The following DNAI1 variants were observed in gnomAD, a reference collection of about 807,000 sequenced individuals.
DNAI1 encodes dynein axonemal intermediate chain 1.
A neutral mutation model predicts 92.0 loss-of-function variants in DNAI1; 67 were observed. The observed-to-expected ratio is 0.73, with a 90% CI of 0.60 to 0.89. The LOEUF is 0.89. DNAI1 is among the 40% of genes least tolerant of loss of function. The probability of loss-of-function intolerance (pLI) is 0.00; values close to 1 mark genes in which losing one functional copy is unlikely to be tolerated. For missense variants in DNAI1, 839 were observed against 866.6 expected (o/e 0.97, Z 0.40); for synonymous variants, 323 against 319.6 (o/e 1.01, Z -0.11).
rs553593774 is a variant in DNAI1, at chr9:34,508,626, A to G, written c.1311+1752A>G. 7.2e-5 allele frequency among the ~76,000 whole-genome samples: 11 copies of G among 152,250 alleles called. No homozygotes were observed. The South Asian group carries it at 2.3e-3, about 32-fold the overall frequency. On this transcript the variant is annotated intron_variant, in intron 13 of 19. Coordinates refer to ENST00000242317, the MANE Select transcript of DNAI1 (RefSeq NM_012144.4). ...GATAGCCCAGGGCCAAGCGCAGAGC[A>G]TCTCTGGTTGGCCTGACCACCTTCC...
chr9:34,498,863 C>T (rs1359948943), intron 10 of DNAI1, among the ~76,000 whole-genome samples: 1 of 152,182 alleles, frequency 6.6e-6, no homozygotes, highest in Non-Finnish European at 1.5e-5. Context: ...TGGAAAACGA[C>T]CTTGAGTGCT....
At chr9:34,482,140 C>T (rs7874097) in intron 1 of DNAI1, among the ~76,000 whole-genome samples, 2,430 of 151,522 alleles carry the variant, frequency 0.016, 53 homozygotes, top group African/African-American at 0.054. Flanking sequence ...TACAGAGTGT[C>T]GATTGGTGCA....
intron 1 of DNAI1, among the ~76,000 whole-genome samples, chr9:34,476,754 A>G (rs1014025362): frequency 2.0e-5 from 3 of 152,196 alleles, no homozygotes; most frequent in Admixed American, 6.5e-5. Flanking sequence ...GAACCTAAGG[A>G]AAGAGAGGAG....
At chr9:34,490,310 C>T (rs1187406856) in intron 6 of DNAI1, 59 bp from the exon 7 acceptor site, 103 of 1,613,878 alleles carry the variant, frequency 6.4e-5, no homozygotes, top group Non-Finnish European at 8.7e-5. Flanking sequence ...TGCCCCATCT[C>T]CCGGTTTTCT....
At chr9:34,496,646 G>T (rs750902098) in intron 9 of DNAI1, among the ~76,000 whole-genome samples, 7 of 152,152 alleles carry the variant, frequency 4.6e-5, no homozygotes, top group Non-Finnish European at 1.0e-4. Flanking sequence ...GCCTTCCTCA[G>T]CCTGTAACTG....
intron 18 of DNAI1, among the ~76,000 whole-genome samples, chr9:34,515,613 C>T (rs1203176363): frequency 1.3e-5 from 2 of 152,170 alleles, no homozygotes; most frequent in Non-Finnish European, 2.9e-5. Flanking sequence ...AATAGATAAA[C>T]AAAATATAGT....
intron 15 of DNAI1, among the ~76,000 whole-genome samples, chr9:34,512,717 C>G (rs1367280768): frequency 6.6e-6 from 1 of 152,226 alleles, no homozygotes; most frequent in Non-Finnish European, 1.5e-5. Context: ...CCTGTTTACC[C>G]AGATCCTGTC....
chr9:34,490,968 A>C (rs947825357), intron 7 of DNAI1, among the ~76,000 whole-genome samples: 1 of 152,244 alleles, frequency 6.6e-6, no homozygotes, highest in Admixed American at 6.5e-5. Context: ...AGGGTTCTAC[A>C]GAAATGAATC....
At chr9:34,500,991 A>AC (rs34725390) in intron 11 of DNAI1, 147 bp from the exon 12 acceptor site, 1 of 954,436 alleles carries the variant, frequency 1.0e-6, no homozygotes, top group Non-Finnish European at 1.7e-6. Flanking sequence ...TCACAAGACC[A>AC]CCCCCAGGAC....
intron 4 of DNAI1, 92 bp downstream of exon 4, chr9:34,485,609 A>G (rs1256214683): frequency 1.6e-6 from 2 of 1,223,992 alleles, no homozygotes; most frequent in Non-Finnish European, 2.4e-6. Context: ...CAGTAATTCT[A>G]GAGGAGAGCA....
intron 1 of DNAI1, among the ~76,000 whole-genome samples, chr9:34,470,723 G>T (rs1172138291): frequency 6.6e-6 from 1 of 152,160 alleles, no homozygotes; most frequent in Non-Finnish European, 1.5e-5. Context: ...TAACCAACTT[G>T]ACCTAATTAA....
intron 13 of DNAI1, among the ~76,000 whole-genome samples, chr9:34,511,392 G>C (rs1825062287): frequency 1.3e-5 from 2 of 152,188 alleles, no homozygotes; most frequent in Non-Finnish European, 2.9e-5. Flanking sequence ...CTGGGACTGG[G>C]AGCAAAGTTC....
chr9:34,509,899 C>CAA lies in DNAI1; in HGVS notation c.1312-2195_1312-2194dup, dbSNP rs141472357. On this transcript the variant is annotated intron_variant, in intron 13 of 19. Transcript: ENST00000242317. ...TGGGCGACAGAGCGAGACTCCGTCTCAAAAAAAAAAAAAAAAGAAAAAAAA... is the reference window on the plus strand; with the variant it reads ...TGGGCGACAGAGCGAGACTCCGTCTCAAAAAAAAAAAAAAAAAAGAAAAAAAA... 3.0e-3 allele frequency among the ~76,000 whole-genome samples: 311 copies of CAA among 104,886 alleles called. 3 individuals are homozygous for CAA. The highest frequency in any genetic ancestry group is 3.8e-3 in the Non-Finnish European group (185 of 48,908). The allele number at this position is 104,886 out of a possible 152,430, so 68.8% of individuals were successfully genotyped here. A position where few individuals can be genotyped will look rare whatever the true frequency, so the allele number is the denominator to read the frequency against.
At chr9:34,485,860 T>G (rs1002832321) in intron 4 of DNAI1, among the ~76,000 whole-genome samples, 9 of 152,174 alleles carry the variant, frequency 5.9e-5, no homozygotes, top group African/African-American at 2.2e-4. Context: ...TGAGTTTTCC[T>G]CTAGCCAGCC....
rs781426827 is a variant in DNAI1, at chr9:34,459,058, C to T, written c.48+5C>T. ...CATAAACAGCCTCATAAGCAGGTAA[C>T]GTACGCACACCTTCCTTCTGATGAC... On this transcript the variant is annotated splice_donor_5th_base_variant and intron_variant, in intron 1 of 19. Coordinates refer to ENST00000242317, the MANE Select transcript of DNAI1 (RefSeq NM_012144.4). The T allele has an allele frequency of 6.2e-7, 1 of 1,613,848 alleles. No homozygotes were observed. The highest frequency in any genetic ancestry group is 8.5e-7 in the Non-Finnish European group (1 of 1,179,720).
intron 1 of DNAI1, among the ~76,000 whole-genome samples, chr9:34,471,767 T>TA (rs541604886): frequency 3.2e-3 from 461 of 145,240 alleles, no homozygotes; most frequent in African/African-American, 9.4e-3. Context: ...GAGACTCCAT[T>TA]AAAAAAAAAA....
intron 1 of DNAI1, among the ~76,000 whole-genome samples, chr9:34,470,343 A>G (rs1213535510): frequency 6.6e-6 from 1 of 152,228 alleles, no homozygotes; most frequent in Non-Finnish European, 1.5e-5. Context: ...GAAAAAAACA[A>G]CTATATGTTG....
At chr9:34,518,803 G>A (rs969397194) in intron 19 of DNAI1, among the ~76,000 whole-genome samples, 3 of 151,160 alleles carry the variant, frequency 2.0e-5, no homozygotes, top group Non-Finnish European at 4.4e-5. Flanking sequence ...ATCCAGGGAG[G>A]TAAGCATCTC....
In DNAI1 at chr9:34,520,729, G is replaced by C; in HGVS notation, c.2073G>C (p.Leu691=). ...EIAKLDKLLN[L]VREVKIKT is the part of the protein sequence containing the mutation. ...CGAAACTGGACAAACTGCTGAACCT[G>C]GTGAGGGAAGTGAAAATCAAGACCT... Residue 691 remains leucine (L), a synonymous_variant, in exon 20 of 20, where the codon CTG becomes CTC. Coordinates refer to ENST00000242317, the MANE Select transcript of DNAI1 (RefSeq NM_012144.4). 1 of 1,551,696 alleles carries C rather than the reference G, an allele frequency of 6.4e-7. No individual in the cohort carries two copies. The highest frequency in any genetic ancestry group is 8.7e-7 in the Non-Finnish European group (1 of 1,146,994).
Sources: gnomAD v4.1 joint callset for allele counts (sites outside exome capture counted in the v4.1 genomes callset) on GRCh38, gnomAD v4.1.1 for gene constraint, MANE v1.5 for transcripts, NCBI Gene and HGNC (gene_info 2026-07-23, HGNC 2026-07-21) for gene names.